LRRC7: variants seen among roughly 807,000 people sequenced by gnomAD.
LRRC7 encodes leucine rich repeat containing 7.
Under a neutral mutation model 175.7 loss-of-function variants are expected in LRRC7, and 23 were observed. The observed-to-expected ratio is 0.13, with a 90% CI of 0.09 to 0.19. The LOEUF is 0.19. LRRC7 is among the 10% of genes least tolerant of loss of function. The pLI, the probability that LRRC7 is intolerant of heterozygous loss-of-function variation, is 1.00. For synonymous variants in LRRC7, 685 were observed against 680.9 expected (o/e 1.01, Z -0.09); for missense variants, 1,354 against 1,904.7 (o/e 0.71, Z 5.38).
Position 69,568,282 on chromosome 1 carries a change from G to GCCA in LRRC7, c.-356_-355insACC. On this transcript the variant is annotated 5_prime_UTR_variant, in exon 1 of 27. Coordinates refer to ENST00000651989, the MANE Select transcript of LRRC7 (RefSeq NM_001370785.2). Reference sequence around the variant, plus strand: ...GGGAGGGAGCTGCGCCTCCGCCACCGCCGCCGCCGCCGCCGCTGCTGCTGC... The same window carrying GCCA: ...GGGAGGGAGCTGCGCCTCCGCCACCGCCACCGCCGCCGCCGCCGCTGCTGCTGC... 1 of 194,166 alleles carries GCCA rather than the reference G, an allele frequency of 5.2e-6. No homozygotes were observed. The highest frequency in any genetic ancestry group is 1.0e-5 in the Non-Finnish European group (1 of 98,500). The allele number at this position is 194,166 out of a possible 1,614,324, so 12.0% of individuals were successfully genotyped here.
At chr1:69,670,395 CTCTT>C (rs1396641857) in intron 1 of LRRC7, among the ~76,000 whole-genome samples, 1 of 152,186 alleles carries the variant, frequency 6.6e-6, no homozygotes, top group Non-Finnish European at 1.5e-5. Flanking sequence ...CAAAGAGAGT[CTCTT>C]TCTCTTTTCT....
At chr1:70,061,341 TTC>T (rs1489609599) in intron 23 of LRRC7, among the ~76,000 whole-genome samples, 6 of 152,126 alleles carry the variant, frequency 3.9e-5, no homozygotes, top group Non-Finnish European at 5.9e-5. Flanking sequence ...TAGATGGAGA[TTC>T]TCTGTTTCCC....
intron 3 of LRRC7, among the ~76,000 whole-genome samples, chr1:69,781,920 G>GAAAGAAAGAAAGAAAGAAAGAAAGAA (rs1553155311): frequency 1.1e-5 from 1 of 92,396 alleles, no homozygotes; most frequent in Non-Finnish European, 2.2e-5. Flanking sequence ...AAAGAAGAAA[G>GAAAGAAAGAAAGAAAGAAAGAAAGAA]AAAGAAAGAA....
chr1:69,575,021 A>C (rs1006299075), intron 1 of LRRC7, among the ~76,000 whole-genome samples: 1 of 152,120 alleles, frequency 6.6e-6, no homozygotes, highest in African/African-American at 2.4e-5. Flanking sequence ...TACAGCTGTA[A>C]TTGTTCTATT....
At chr1:69,842,049 G>A (rs1409520708) in intron 7 of LRRC7, among the ~76,000 whole-genome samples, 1 of 151,934 alleles carries the variant, frequency 6.6e-6, no homozygotes, top group Non-Finnish European at 1.5e-5. Context: ...ACATGACAGG[G>A]AGAAAAATAA....
chr1:69,658,390 TA>T (rs1415556338), intron 1 of LRRC7, among the ~76,000 whole-genome samples: 10 of 152,062 alleles, frequency 6.6e-5, no homozygotes, highest in African/African-American at 2.4e-4. Context: ...TAAAATCAAC[TA>T]AAAAATCTGG....
chr1:69,605,308 C>T (rs1287429929), intron 1 of LRRC7, among the ~76,000 whole-genome samples: 2 of 152,098 alleles, frequency 1.3e-5, no homozygotes, highest in Non-Finnish European at 2.9e-5. Context: ...GAGGCCTCTC[C>T]AGCCACATGA....
At chr1:69,952,288 A>T (rs1011542904) in intron 8 of LRRC7, among the ~76,000 whole-genome samples, 4 of 152,064 alleles carry the variant, frequency 2.6e-5, no homozygotes, top group Admixed American at 6.6e-5. Context: ...AATATTGTCA[A>T]ACATATGATA....
At chr1:69,977,206 T>C (rs1425313437) in intron 8 of LRRC7, among the ~76,000 whole-genome samples, 1 of 152,208 alleles carries the variant, frequency 6.6e-6, no homozygotes, top group Non-Finnish European at 1.5e-5. Flanking sequence ...TTATTCCTCA[T>C]TACCTCTTTC....
intron 7 of LRRC7, among the ~76,000 whole-genome samples, chr1:69,860,016 G>T (rs764808945): frequency 4.0e-5 from 6 of 151,734 alleles, no homozygotes; most frequent in African/African-American, 9.7e-5. Context: ...TTTCCCAGTG[G>T]TTTCCAAAAT....
intron 7 of LRRC7, among the ~76,000 whole-genome samples, chr1:69,886,862 C>G (rs1257788380): frequency 6.6e-6 from 1 of 151,060 alleles, no homozygotes; most frequent in African/African-American, 2.4e-5. Flanking sequence ...TATTTTATTT[C>G]TCCTTCACTT....
intron 2 of LRRC7, among the ~76,000 whole-genome samples, chr1:69,732,288 A>G (rs1667663414): frequency 6.6e-6 from 1 of 152,066 alleles, no homozygotes; most frequent in South Asian, 2.1e-4. Flanking sequence ...AAGGTTGTTT[A>G]GAATTTTTTA....
intron 26 of LRRC7, among the ~76,000 whole-genome samples, chr1:70,109,455 C>T (rs1665375710): frequency 6.6e-6 from 1 of 152,182 alleles, no homozygotes. Flanking sequence ...ACCCAGCAGG[C>T]CTGAGTTCAT....
chr1:69,756,109 A>G (rs1670396150), intron 2 of LRRC7, among the ~76,000 whole-genome samples: 1 of 151,998 alleles, frequency 6.6e-6, no homozygotes, highest in Non-Finnish European at 1.5e-5. Flanking sequence ...CTATGAAAAA[A>G]GATGATTCAG....
chr1:69,754,719 A>G (rs759106682), intron 2 of LRRC7, among the ~76,000 whole-genome samples: 6 of 152,052 alleles, frequency 3.9e-5, no homozygotes, highest in Admixed American at 2.0e-4. Flanking sequence ...CGGACCTCTC[A>G]AGAGCATTAT....
Position 69,741,285 on chromosome 1 carries a change from A to G in LRRC7, c.101-18906A>G, listed in dbSNP as rs188907696. On this transcript the variant is annotated intron_variant, in intron 2 of 26. Transcript: ENST00000651989. ...TCAAAATATGGCATGGAGCATTCCT[A>G]TACTATCCATTGTTTATCTGAAATT... 3.3e-4 allele frequency among the ~76,000 whole-genome samples: 50 copies of G among 152,134 alleles called. 1 individual carries two copies. The highest frequency in any genetic ancestry group is 2.6e-3 in the Admixed American group (39 of 15,242).
At chr1:69,656,099 A>G (rs901210878) in intron 1 of LRRC7, among the ~76,000 whole-genome samples, 2 of 152,024 alleles carry the variant, frequency 1.3e-5, no homozygotes, top group African/African-American at 2.4e-5. Flanking sequence ...TTTAATTTAG[A>G]TTTGATATAC....
At chr1:70,034,201 G>T (rs1404778084) in intron 18 of LRRC7, among the ~76,000 whole-genome samples, 6 of 151,986 alleles carry the variant, frequency 3.9e-5, no homozygotes, top group African/African-American at 1.4e-4. Flanking sequence ...TTCTCCAAAG[G>T]TATATAAAGG....
intron 8 of LRRC7, among the ~76,000 whole-genome samples, chr1:69,964,127 C>T (rs1651419160): frequency 6.6e-6 from 1 of 152,136 alleles, no homozygotes; most frequent in Non-Finnish European, 1.5e-5. Flanking sequence ...CTCTTGCCCT[C>T]CCCATATATT....
Sources: allele counts gnomAD v4.1 joint callset (sites outside exome capture counted in the v4.1 genomes callset), GRCh38; gene constraint gnomAD v4.1.1; transcripts MANE v1.5; gene names NCBI Gene and HGNC (gene_info 2026-07-23, HGNC 2026-07-21).